Variants in PPP2R3A observed in about 807,000 individuals in gnomAD.
PPP2R3A encodes the protein serine/threonine-protein phosphatase 2A regulatory subunit B'' subunit alpha.
A neutral mutation model predicts 106.9 loss-of-function variants in PPP2R3A; 80 were observed. That is an observed-to-expected ratio of 0.75 (90% confidence interval 0.62 to 0.90). The LOEUF is 0.90. PPP2R3A is among the 40% of genes least tolerant of loss of function. The pLI is 0.00. For synonymous variants in PPP2R3A, 483 were observed against 468.3 expected (o/e 1.03, Z -0.41); for missense variants, 1,386 against 1,350.4 (o/e 1.03, Z -0.41).
At chr3:135,995,447 ATTTTTTTTTTTT>A (rs60359404) in intron 1 of PPP2R3A, among the ~76,000 whole-genome samples, 22 of 87,326 alleles carry the variant, frequency 2.5e-4, no homozygotes, top group African/African-American at 8.2e-4. Flanking sequence ...ACGTTGACAG[ATTTTTTTTTTTT>A]TTTTTTTTTT....
chr3:136,127,766 A>G (rs1938237485), intron 13 of PPP2R3A, among the ~76,000 whole-genome samples: 1 of 152,234 alleles, frequency 6.6e-6, no homozygotes, highest in African/African-American at 2.4e-5. Context: ...CCAGAGAGAA[A>G]GGTCGGGTTA....
At chr3:136,144,811 G>C (rs1485080600) in intron 13 of PPP2R3A, among the ~76,000 whole-genome samples, 1 of 152,100 alleles carries the variant, frequency 6.6e-6, no homozygotes, top group South Asian at 2.1e-4. Flanking sequence ...GCTTGATACG[G>C]AACATTTTCA....
At position 136,145,756 on chromosome 3, in the gene PPP2R3A, T is replaced by A. The variant is rs1171515268; in HGVS notation, c.*590T>A. 6.6e-6 allele frequency: 1 copy of A among 152,622 alleles called. No homozygotes were observed. Among genetic ancestry groups the A allele is most frequent in the Non-Finnish European group, 1.5e-5 (1 of 68,044 alleles). The allele number at this position is 152,622 out of a possible 1,614,324, so 9.5% of individuals were successfully genotyped here. A position where few individuals can be genotyped will look rare whatever the true frequency, so the allele number is the denominator to read the frequency against. On this transcript the variant is annotated 3_prime_UTR_variant, in exon 14 of 14. Transcript: ENST00000264977. ...CTGCCAAACTACTAGTCACTTTACA[T>A]CCTCAGGTATTGTAACCACTGGGCC... is the stretch of plus-strand genomic sequence containing the variant.
At chr3:136,057,921 A>G (rs575479722) in intron 5 of PPP2R3A, among the ~76,000 whole-genome samples, 48 of 152,296 alleles carry the variant, frequency 3.2e-4, no homozygotes, top group South Asian at 2.9e-3. Flanking sequence ...GAGAACTACC[A>G]TATGATCCTA....
intron 2 of PPP2R3A, among the ~76,000 whole-genome samples, chr3:136,025,644 A>G (rs1434612761): frequency 5.9e-5 from 9 of 152,154 alleles, no homozygotes; most frequent in Non-Finnish European, 8.8e-5. Context: ...ATGTTAAGAA[A>G]TATGATAAAT....
Position 136,114,403 on chromosome 3 carries a change from C to T in PPP2R3A, c.3329+8081C>T, listed in dbSNP as rs147855585. On this transcript the variant is annotated intron_variant, in intron 13 of 13. Coordinates refer to ENST00000264977, the MANE Select transcript of PPP2R3A (RefSeq NM_002718.5). ...TTGTTTTGTTTTGTTTTTCCCCATACCCCAGTGGTGCTTGGAATGCCAGCA... is the reference window on the plus strand; with the variant it reads ...TTGTTTTGTTTTGTTTTTCCCCATATCCCAGTGGTGCTTGGAATGCCAGCA... Among the ~76,000 whole-genome samples, 1,142 of 152,192 alleles carry T rather than the reference C, an allele frequency of 7.5e-3. 17 individuals are homozygous for T. Among genetic ancestry groups the T allele is most frequent in the African/African-American group, 0.026 (1,078 of 41,536 alleles).
chr3:136,141,863 A>G (rs1938885741), intron 13 of PPP2R3A, among the ~76,000 whole-genome samples: 1 of 152,214 alleles, frequency 6.6e-6, no homozygotes, highest in South Asian at 2.1e-4. Flanking sequence ...TTGTATCCAT[A>G]TGGTCAACTG....
At position 136,139,706 on chromosome 3, in the gene PPP2R3A, A is replaced by AAAG. The variant is rs1553761238; in HGVS notation, c.3330-5335_3330-5334insGAA. 1.3e-4 allele frequency among the ~76,000 whole-genome samples: 20 copies of AAAG among 149,964 alleles called. 1 individual carries two copies. Among genetic ancestry groups the AAAG allele is most frequent in the African/African-American group, 4.5e-4 (18 of 40,052 alleles). On this transcript the variant is annotated intron_variant, in intron 13 of 13. Coordinates refer to ENST00000264977, the MANE Select transcript of PPP2R3A (RefSeq NM_002718.5). Reference sequence around the variant, plus strand: ...GACTCCATCTCAAAAAAAAAAAAAAAAAAGAGTTTGTTCTCAGCTGGGCAT... The same window carrying AAAG: ...GACTCCATCTCAAAAAAAAAAAAAAAAAGAAAGAGTTTGTTCTCAGCTGGGCAT...
chr3:136,060,307 A>G (rs530684904), intron 5 of PPP2R3A, among the ~76,000 whole-genome samples: 1 of 152,338 alleles, frequency 6.6e-6, no homozygotes, highest in African/African-American at 2.4e-5. Flanking sequence ...ATGTAAATCT[A>G]AAAATGGTAA....
At chr3:136,125,022 A>T (rs1207242827) in intron 13 of PPP2R3A, among the ~76,000 whole-genome samples, 1 of 152,204 alleles carries the variant, frequency 6.6e-6, no homozygotes, top group Non-Finnish European at 1.5e-5. Context: ...CTTCCCCATA[A>T]GAAAAGTCCA....
At chr3:136,088,267 C>G (rs565161469) in intron 9 of PPP2R3A, among the ~76,000 whole-genome samples, 3 of 152,240 alleles carry the variant, frequency 2.0e-5, no homozygotes, top group Admixed American at 1.3e-4. Flanking sequence ...CCCACTTCAG[C>G]AGTCCCCAGT....
At chr3:136,063,695 T>C (rs2107893346) in intron 5 of PPP2R3A, among the ~76,000 whole-genome samples, 1 of 151,534 alleles carries the variant, frequency 6.6e-6, no homozygotes, top group African/African-American at 2.4e-5. Context: ...ATCAGAGAAA[T>C]GCAAATCAAA....
At chr3:136,090,924 G>T (rs1937080173) in intron 10 of PPP2R3A, among the ~76,000 whole-genome samples, 1 of 152,198 alleles carries the variant, frequency 6.6e-6, no homozygotes, top group Non-Finnish European at 1.5e-5. Flanking sequence ...AGTAGGGCTA[G>T]TAAGCATTCA....
chr3:136,057,564 C>T (rs1246423637), intron 5 of PPP2R3A, among the ~76,000 whole-genome samples: 1 of 152,060 alleles, frequency 6.6e-6, no homozygotes, highest in Admixed American at 6.6e-5. Context: ...TTTATTACCA[C>T]TGAACTGTAC....
At chr3:135,973,379 G>A (rs563828208) in intron 1 of PPP2R3A, among the ~76,000 whole-genome samples, 5 of 152,246 alleles carry the variant, frequency 3.3e-5, no homozygotes, top group East Asian at 1.9e-4. Flanking sequence ...GGTCAAGGCC[G>A]CATAGATTGA....
intron 8 of PPP2R3A, among the ~76,000 whole-genome samples, chr3:136,087,278 T>TCC (rs1314336836): frequency 6.7e-6 from 1 of 149,562 alleles, no homozygotes; most frequent in Admixed American, 6.7e-5. Flanking sequence ...TCTCTCTCTC[T>TCC]CTCTCTCTCT....
intron 5 of PPP2R3A, among the ~76,000 whole-genome samples, chr3:136,052,652 CA>C (rs1935722066): frequency 6.6e-6 from 1 of 152,144 alleles, no homozygotes; most frequent in African/African-American, 2.4e-5. Context: ...AAAGCTTTGA[CA>C]GGAATGTAAA....
intron 1 of PPP2R3A, among the ~76,000 whole-genome samples, chr3:135,966,594 G>T (rs1302604530): frequency 6.6e-6 from 1 of 152,140 alleles, no homozygotes; most frequent in Non-Finnish European, 1.5e-5. Context: ...TCCGAACTCT[G>T]TTGTGCTCCC....
At chr3:136,077,498 C>G (rs1488836573) in intron 6 of PPP2R3A, among the ~76,000 whole-genome samples, 1 of 31,048 alleles carries the variant, frequency 3.2e-5, no homozygotes, top group Admixed American at 4.7e-4. Context: ...GCAGAATGCA[C>G]CCCCCCACCC....
Sources: allele counts gnomAD v4.1 joint callset (sites outside exome capture counted in the v4.1 genomes callset), GRCh38; gene constraint gnomAD v4.1.1; transcripts MANE v1.5; gene names NCBI Gene and HGNC (gene_info 2026-07-23, HGNC 2026-07-21).